The following FBXO31 variants were observed in gnomAD, a reference collection of about 807,000 sequenced individuals.
FBXO31 encodes the protein F-box protein 31, also known as F-box only protein 31.
In FBXO31, 24 loss-of-function variants were observed where a neutral mutation model predicts 54.4. The ratio of observed to expected loss-of-function variants is 0.44; its 90% CI spans 0.32 to 0.62. The LOEUF is 0.62. Ranked by LOEUF, FBXO31 falls within the 20% of genes least tolerant of loss-of-function variation. FBXO31 has a pLI of 0.05. For synonymous variants in FBXO31, 388 were observed against 335.6 expected (o/e 1.16, Z -1.71); for missense variants, 665 against 787.1 (o/e 0.84, Z 1.86).
chr16:87,343,789 T>G (rs781007792), intron 3 of FBXO31, 24 bp from the exon 4 acceptor site: 1 of 1,613,170 alleles, frequency 6.2e-7, no homozygotes, highest in South Asian at 1.1e-5. Context: ...TGGGCAAAGG[T>G]CCATGAGTGG....
intron 1 of FBXO31, among the ~76,000 whole-genome samples, chr16:87,389,125 G>C (rs1013083983): frequency 4.6e-5 from 7 of 151,362 alleles, no homozygotes; most frequent in South Asian, 2.1e-4. Context: ...ATATTTATTT[G>C]TATATGAATG....
chr16:87,391,409 C>A (rs879570887), upstream of FBXO31, among the ~76,000 whole-genome samples: 16 of 152,226 alleles, frequency 1.1e-4, no homozygotes, highest in Admixed American at 2.6e-4. Context: ...TTACGCACTG[C>A]AGCCCATTTG....
At chr16:87,377,638 C>A (rs917253436) in intron 1 of FBXO31, among the ~76,000 whole-genome samples, 1 of 151,888 alleles carries the variant, frequency 6.6e-6, no homozygotes, top group African/African-American at 2.4e-5. Flanking sequence ...CCAGCGGGGG[C>A]AACACAGTGA....
chr16:87,339,181 C>A (rs567330558), intron 5 of FBXO31, among the ~76,000 whole-genome samples: 2 of 152,324 alleles, frequency 1.3e-5, no homozygotes, highest in East Asian at 3.9e-4. Flanking sequence ...AAGTTCTCAG[C>A]CAGCAGAGCT....
chr16:87,383,858 T>A, upstream of FBXO31: 1 of 762,622 alleles, frequency 1.3e-6, no homozygotes, highest in Non-Finnish European at 1.7e-6. The surrounding 1 kb of genome is among the most constrained non-coding windows in gnomAD (Gnocchi z 4.9). Context: ...CTGGAGAGCC[T>A]AGCCCCGCCC....
chr16:87,385,516 C>T (rs906088079), upstream of FBXO31, among the ~76,000 whole-genome samples: 2 of 151,384 alleles, frequency 1.3e-5, no homozygotes, highest in African/African-American at 4.8e-5. Flanking sequence ...GGGAGATCAG[C>T]CATTAAACAA....
At chr16:87,337,192 A>G (rs1905065561) in intron 5 of FBXO31, among the ~76,000 whole-genome samples, 2 of 152,252 alleles carry the variant, frequency 1.3e-5, no homozygotes, top group African/African-American at 4.8e-5. Context: ...TTCTATGTAC[A>G]AAATCCTCAA....
intron 1 of FBXO31, among the ~76,000 whole-genome samples, chr16:87,378,894 G>A (rs193018855): frequency 3.2e-4 from 49 of 151,378 alleles, no homozygotes; most frequent in African/African-American, 1.0e-3. Context: ...CCCAGGAGGC[G>A]GAGCTTGCAA....
At chr16:87,341,971 G>A (rs1022088936) in intron 5 of FBXO31, among the ~76,000 whole-genome samples, 2 of 152,140 alleles carry the variant, frequency 1.3e-5, no homozygotes, top group Non-Finnish European at 2.9e-5. Context: ...CAGCACTTTG[G>A]GAGGTCAAGG....
intron 1 of FBXO31, among the ~76,000 whole-genome samples, chr16:87,365,256 G>A (rs1278594622): frequency 6.6e-6 from 1 of 151,010 alleles, no homozygotes; most frequent in Non-Finnish European, 1.5e-5. Context: ...CCTGAGCAGG[G>A]GCAGCGAGCT....
chr16:87,370,702 C>T (rs1906565703), intron 1 of FBXO31, among the ~76,000 whole-genome samples: 1 of 152,184 alleles, frequency 6.6e-6, no homozygotes, highest in Non-Finnish European at 1.5e-5. Flanking sequence ...GGGTCTCAGC[C>T]TCCCTGGAGC....
At chr16:87,382,689 T>A (rs1000235771) in intron 1 of FBXO31, among the ~76,000 whole-genome samples, 1 of 152,192 alleles carries the variant, frequency 6.6e-6, no homozygotes, top group Non-Finnish European at 1.5e-5. Context: ...TGGAGTGCAA[T>A]GGCCCAGATG....
Position 87,383,374 on chromosome 16 carries a change from C to A in FBXO31, c.340+31G>T. 1 of 1,483,158 alleles carries A rather than the reference C, an allele frequency of 6.7e-7. No individual in the cohort carries two copies. Among genetic ancestry groups the A allele is most frequent in the South Asian group, 1.2e-5 (1 of 81,520 alleles). The allele number at this position is 1,483,158 out of a possible 1,614,324, so 91.9% of individuals were successfully genotyped here. Reference sequence around the variant, plus strand: ...CTCCACCTGGCAGGGACCCCCCGCCCCTCCCGGCCCCGCCACCCCCGCGCG... The same window carrying A: ...CTCCACCTGGCAGGGACCCCCCGCCACTCCCGGCCCCGCCACCCCCGCGCG... On this transcript the variant is annotated intron_variant, in intron 1 of 8. Coordinates refer to ENST00000311635, the MANE Select transcript of FBXO31 (RefSeq NM_024735.5). The surrounding 1 kb of genome is among the most constrained non-coding windows in gnomAD (Gnocchi z 4.9).
Position 87,383,325 on chromosome 16 carries a change from C to T in FBXO31, c.340+80G>A, listed in dbSNP as rs1907167895. On this transcript the variant is annotated intron_variant, in intron 1 of 8. Transcript: ENST00000311635. The surrounding 1 kb of genome is among the most constrained non-coding windows in gnomAD (Gnocchi z 4.9). ...GGTGGCCCCCGGCCGGGGCCACCGC[C>T]CCCGCCACTCCCAGCTCCGAGGCCT... is the stretch of plus-strand genomic sequence containing the variant. 8.5e-6 allele frequency: 11 copies of T among 1,298,644 alleles called. No individual in the cohort carries two copies. The East Asian group carries it at 3.0e-4, about 35-fold the overall frequency. The allele number at this position is 1,298,644 out of a possible 1,614,324, so 80.4% of individuals were successfully genotyped here.
At chr16:87,354,924 G>GC (rs1567621595) in intron 2 of FBXO31, among the ~76,000 whole-genome samples, 4 of 152,148 alleles carry the variant, frequency 2.6e-5, no homozygotes, top group African/African-American at 9.7e-5. Context: ...CCAAGATCGC[G>GC]CCACTGCACT....
intron 2 of FBXO31, among the ~76,000 whole-genome samples, chr16:87,347,546 G>T (rs2150677200): frequency 6.6e-6 from 1 of 152,200 alleles, no homozygotes; most frequent in African/African-American, 2.4e-5. Context: ...CGGGTGTGGT[G>T]GCGGGTGCCT....
At chr16:87,361,859 C>A (rs988832463) in intron 1 of FBXO31, among the ~76,000 whole-genome samples, 6 of 152,238 alleles carry the variant, frequency 3.9e-5, no homozygotes, top group South Asian at 2.1e-4. Flanking sequence ...TGTGCCTTGA[C>A]AGCATGTCCC....
upstream of FBXO31, among the ~76,000 whole-genome samples, chr16:87,388,193 T>C (rs1398365312): frequency 6.6e-6 from 1 of 152,240 alleles, no homozygotes; most frequent in Non-Finnish European, 1.5e-5. Context: ...CCACGCGTTC[T>C]ACTTTGCAGA....
chr16:87,366,184 T>C (rs1008328824), intron 1 of FBXO31, among the ~76,000 whole-genome samples: 1 of 152,086 alleles, frequency 6.6e-6, no homozygotes, highest in Non-Finnish European at 1.5e-5. Context: ...GAGTGAAAAC[T>C]GCGGAAATCT....
Sources: allele counts gnomAD v4.1 joint callset (sites outside exome capture counted in the v4.1 genomes callset), GRCh38; gene constraint gnomAD v4.1.1; non-coding constraint Gnocchi (gnomAD v3.1); transcripts MANE v1.5; gene names NCBI Gene and HGNC (gene_info 2026-07-23, HGNC 2026-07-21).